The following TMTC1 variants were observed in gnomAD, a reference collection of about 807,000 sequenced individuals.
TMTC1 encodes the protein transmembrane O-mannosyltransferase targeting cadherins 1.
A neutral mutation model predicts 104.8 loss-of-function variants in TMTC1; 73 were observed. That is an observed-to-expected ratio of 0.70 (90% confidence interval 0.58 to 0.85). The LOEUF (loss-of-function observed/expected upper bound fraction) is 0.85. Ranked by LOEUF, TMTC1 falls within the 40% of genes least tolerant of loss-of-function variation. The probability of loss-of-function intolerance (pLI) is 0.00; values close to 1 mark genes in which losing one functional copy is unlikely to be tolerated. For synonymous variants in TMTC1, 434 were observed against 428.7 expected (o/e 1.01, Z -0.15); for missense variants, 1,035 against 1,096.1 (o/e 0.94, Z 0.79).
At chr12:29,643,522 ATAT>A (rs1938983776) in intron 5 of TMTC1, among the ~76,000 whole-genome samples, 1 of 55,642 alleles carries the variant, frequency 1.8e-5, no homozygotes, top group Non-Finnish European at 3.4e-5. Context: ...ATATAATATA[ATAT>A]AAAATATATA....
At chr12:29,599,615 C>T (rs752433235) in intron 7 of TMTC1, among the ~76,000 whole-genome samples, 1 of 152,152 alleles carries the variant, frequency 6.6e-6, no homozygotes, top group South Asian at 2.1e-4. Flanking sequence ...GCCAAATCAG[C>T]CCCCTGGGAT....
intron 13 of TMTC1, 82 bp from the exon 14 acceptor site, chr12:29,517,653 G>T: frequency 6.5e-7 from 1 of 1,530,916 alleles, no homozygotes; most frequent in Non-Finnish European, 9.0e-7. Context: ...TAGGGAAGAC[G>T]GTCCATGGTT....
At chr12:29,529,613 A>C (rs1304757187) in intron 11 of TMTC1, among the ~76,000 whole-genome samples, 1 of 152,216 alleles carries the variant, frequency 6.6e-6, no homozygotes, top group East Asian at 1.9e-4. Context: ...CTTCTCCAAG[A>C]AACTATTCAA....
At chr12:29,732,370 G>A (rs925441749) in intron 5 of TMTC1, among the ~76,000 whole-genome samples, 8 of 152,220 alleles carry the variant, frequency 5.3e-5, no homozygotes, top group Non-Finnish European at 1.2e-4. Flanking sequence ...TTCAGTGGGA[G>A]TGAGCAGAGA....
rs1490388058 is a variant in TMTC1 at position 29,757,957 on chromosome 12, G to GTGGGAGTTACAATTCAAGATGAGATT, written c.554+721_554+746dup. On this transcript the variant is annotated intron_variant, in intron 3 of 17. Coordinates refer to ENST00000539277, the MANE Select transcript of TMTC1 (RefSeq NM_001193451.2). ...GTTCCTTCCACGACACATGGAAATT[G>GTGGGAGTTACAATTCAAGATGAGATT]TGGGAGTTACAATTCAAGATGAGAT... is the stretch of plus-strand genomic sequence containing the variant. 3.9e-5 allele frequency among the ~76,000 whole-genome samples: 6 copies of GTGGGAGTTACAATTCAAGATGAGATT among 152,282 alleles called. No individual in the cohort carries two copies. In the East Asian group the frequency reaches 5.8e-4, roughly 15 times the overall value.
At chr12:29,609,244 T>C (rs1016976158) in intron 6 of TMTC1, among the ~76,000 whole-genome samples, 2 of 152,194 alleles carry the variant, frequency 1.3e-5, no homozygotes, top group African/African-American at 4.8e-5. Flanking sequence ...TTGGCAGCCC[T>C]AGGATCTAGC....
chr12:29,781,569 A>C (rs1934586419), intron 1 of TMTC1, among the ~76,000 whole-genome samples: 1 of 152,222 alleles, frequency 6.6e-6, no homozygotes. Context: ...GCTCATGCCC[A>C]CAAGTCCAGC....
chr12:29,630,046 C>T (rs1481363564), intron 6 of TMTC1, among the ~76,000 whole-genome samples: 1 of 152,052 alleles, frequency 6.6e-6, no homozygotes, highest in African/African-American at 2.4e-5. Flanking sequence ...GTTTCACTAC[C>T]ACAATCATAT....
chr12:29,575,146 T>C (rs1945787172), intron 8 of TMTC1, among the ~76,000 whole-genome samples: 1 of 152,020 alleles, frequency 6.6e-6, no homozygotes. Flanking sequence ...CCCGAGGAGT[T>C]TGGTTCTAGA....
chr12:29,678,005 C>T (rs10843481), intron 5 of TMTC1, among the ~76,000 whole-genome samples: 30,864 of 152,070 alleles, frequency 0.2, 3,472 homozygotes, highest in East Asian at 0.3. Context: ...CCATGGTTTC[C>T]GGCATTCACT....
intron 5 of TMTC1, among the ~76,000 whole-genome samples, chr12:29,643,572 A>ATTTATATATATATATT (rs1938994160): frequency 1.1e-5 from 1 of 87,386 alleles, no homozygotes; most frequent in Non-Finnish European, 2.1e-5. Context: ...TATAATATAT[A>ATTTATATATATATATT]ATATATGTCA....
chr12:29,684,797 C>G (rs547204595), intron 5 of TMTC1, among the ~76,000 whole-genome samples: 7 of 151,856 alleles, frequency 4.6e-5, no homozygotes, highest in African/African-American at 1.4e-4. Context: ...TCTCCGGCCA[C>G]ACACACACAC....
chr12:29,633,588 T>C lies in TMTC1; in HGVS notation c.939-252A>G, dbSNP rs10843454. ...TGAACAAATACAGATACAGTTTCCA[T>C]GACATATATTTTAAAATTATCATAC... On this transcript the variant is annotated intron_variant, in intron 5 of 17. Coordinates refer to ENST00000539277, the MANE Select transcript of TMTC1 (RefSeq NM_001193451.2). 0.02 allele frequency among the ~76,000 whole-genome samples: 3,119 copies of C among 152,222 alleles called. 410 individuals carry two copies. In the East Asian group the frequency reaches 0.38, roughly 19 times the overall value.
chr12:29,774,050 G>A (rs1209315082), intron 1 of TMTC1, among the ~76,000 whole-genome samples: 2 of 151,916 alleles, frequency 1.3e-5, no homozygotes, highest in Admixed American at 1.3e-4. Context: ...GTGTGCAGGT[G>A]GCATGTGATA....
rs549276058 is a variant in TMTC1, at chr12:29,752,715, A to C, written c.732-843T>G. On this transcript the variant is annotated intron_variant, in intron 4 of 17. Transcript: ENST00000539277. ...AACACTGATATATCTCAAAAGCCCA[A>C]TGGTAAATGAAAAAAAAAAGCAAGT... Among the ~76,000 whole-genome samples the C allele has an allele frequency of 2.0e-5, 3 of 152,238 alleles. No individual in the cohort carries two copies. The South Asian group carries it at 6.2e-4, about 32-fold the overall frequency.
At chr12:29,671,237 T>C (rs999751084) in intron 5 of TMTC1, among the ~76,000 whole-genome samples, 2 of 150,956 alleles carry the variant, frequency 1.3e-5, no homozygotes, top group Admixed American at 1.3e-4. Context: ...CCTCCGGAGG[T>C]TGCAGTGAGC....
At chr12:29,690,619 T>C (rs1941238773) in intron 5 of TMTC1, among the ~76,000 whole-genome samples, 1 of 152,248 alleles carries the variant, frequency 6.6e-6, no homozygotes, top group African/African-American at 2.4e-5. Context: ...TTATTAACTA[T>C]AGTCATAGCA....
chr12:29,548,157 G>T (rs1296373238), intron 10 of TMTC1, among the ~76,000 whole-genome samples: 1 of 152,138 alleles, frequency 6.6e-6, no homozygotes, highest in Non-Finnish European at 1.5e-5. Flanking sequence ...GGACTGGAGA[G>T]AATTTGAAGA....
intron 6 of TMTC1, among the ~76,000 whole-genome samples, chr12:29,628,383 T>A (rs1038827111): frequency 4.6e-5 from 7 of 152,144 alleles, no homozygotes; most frequent in Admixed American, 4.6e-4. Context: ...GTTTTATTAC[T>A]CCTGTAAACA....
Sources: gnomAD v4.1 joint callset for allele counts (sites outside exome capture counted in the v4.1 genomes callset) on GRCh38, gnomAD v4.1.1 for gene constraint, MANE v1.5 for transcripts, NCBI Gene and HGNC (gene_info 2026-07-23, HGNC 2026-07-21) for gene names.